ADAMDEC1: variants seen among roughly 807,000 people sequenced by gnomAD.
ADAMDEC1 encodes the protein ADAM DEC1.
ADAMDEC1 carries 62 observed loss-of-function variants against 60.4 expected under a neutral mutation model. That is an observed-to-expected ratio of 1.03 (90% CI 0.84 to 1.27). The LOEUF is 1.27. Among genes scored for constraint, ADAMDEC1 ranks in the 50% most tolerant of loss-of-function variants. The pLI is 0.00. For synonymous variants in ADAMDEC1, 210 were observed against 195.1 expected (o/e 1.08, Z -0.64); for missense variants, 595 against 565.0 (o/e 1.05, Z -0.54).
At chr8:24,402,779 C>T (rs1357534905) in intron 12 of ADAMDEC1, among the ~76,000 whole-genome samples, 1 of 152,086 alleles carries the variant, frequency 6.6e-6, no homozygotes, top group Non-Finnish European at 1.5e-5. Flanking sequence ...ACTCTCTATG[C>T]TTCAGTTTAT....
At chr8:24,387,939 C>T (rs760154924) in intron 1 of ADAMDEC1, 1 of 152,628 alleles carries the variant, frequency 6.6e-6, no homozygotes, top group African/African-American at 2.4e-5. Context: ...AAGAGCAGCC[C>T]GGAGAAGCTG....
chr8:24,403,211 G>C (rs1817808041), intron 12 of ADAMDEC1, among the ~76,000 whole-genome samples: 1 of 151,980 alleles, frequency 6.6e-6, no homozygotes, highest in South Asian at 2.1e-4. Flanking sequence ...TAAAACCAGA[G>C]AGTTCAGGCT....
At position 24,384,516 on chromosome 8, in the gene ADAMDEC1, G is replaced by C. The variant is rs763836780; in HGVS notation, c.12G>C (p.Gly4=). Residue 4 remains glycine, a synonymous_variant, in exon 1 of 14, where the codon GGG becomes GGC. Coordinates refer to ENST00000256412, the MANE Select transcript of ADAMDEC1 (RefSeq NM_014479.3). ...GAGACCACAACTTCATGCTGCGTGG[G>C]ATCTCCCAGCTACCTGCAGTGGCCA... MLR[G]ISQLPAVATM... 1 of 1,608,260 alleles carries C rather than the reference G, an allele frequency of 6.2e-7. No homozygotes were observed. Among genetic ancestry groups the C allele is most frequent in the Non-Finnish European group, 8.5e-7 (1 of 1,177,098 alleles).
rs1254248640 is a variant in ADAMDEC1, at chr8:24,401,913, A to T, written c.1143-2A>T. 1.2e-6 allele frequency: 2 copies of T among 1,605,326 alleles called. No individual in the cohort carries two copies. Among genetic ancestry groups the T allele is most frequent in the Admixed American group, 1.7e-5 (1 of 58,320 alleles). ...ATTATTTGAGTTTTCTTCTGATTAC[A>T]GTTCAAAATTCCCAAAGGATTTCAG... On this transcript the variant is annotated splice_acceptor_variant, in intron 11 of 13. Coordinates refer to ENST00000256412, the MANE Select transcript of ADAMDEC1 (RefSeq NM_014479.3). LOFTEE classifies it high-confidence loss of function.
chr8:24,390,565 C>T (rs1817416722), intron 1 of ADAMDEC1, among the ~76,000 whole-genome samples: 1 of 152,002 alleles, frequency 6.6e-6, no homozygotes, highest in Admixed American at 6.6e-5. Flanking sequence ...ACTAAAAATA[C>T]AAAAATTAGC....
intron 4 of ADAMDEC1, 103 bp downstream of exon 4, chr8:24,394,250 T>C (rs1817548566): frequency 4.5e-6 from 4 of 894,334 alleles, no homozygotes; most frequent in Non-Finnish European, 6.8e-6. Flanking sequence ...TTTATAAAAT[T>C]CATAGGTCCA....
intron 1 of ADAMDEC1, among the ~76,000 whole-genome samples, chr8:24,386,950 G>T (rs1348353407): frequency 3.3e-5 from 5 of 152,118 alleles, no homozygotes; most frequent in African/African-American, 9.7e-5. Context: ...TTGGCTTGTT[G>T]TTCCCACAAC....
chr8:24,404,906 T>G (rs1312123142), intron 13 of ADAMDEC1, among the ~76,000 whole-genome samples: 1 of 152,152 alleles, frequency 6.6e-6, no homozygotes, highest in African/African-American at 2.4e-5. Context: ...GAATCCACTC[T>G]GCAGGGAATT....
intron 11 of ADAMDEC1, 120 bp from the exon 12 acceptor site, chr8:24,401,795 T>C: frequency 4.4e-6 from 4 of 911,816 alleles, no homozygotes; most frequent in Non-Finnish European, 6.4e-6. Flanking sequence ...GGAATTTCCA[T>C]TGAGCTCGGT....
At chr8:24,390,763 A>T (rs1318422330) in intron 1 of ADAMDEC1, among the ~76,000 whole-genome samples, 1 of 151,932 alleles carries the variant, frequency 6.6e-6, no homozygotes, top group African/African-American at 2.4e-5. Flanking sequence ...AATAACAAAA[A>T]CAACACTGTT....
intron 3 of ADAMDEC1, 148 bp from the exon 4 acceptor site, chr8:24,393,921 C>A: frequency 2.2e-6 from 1 of 464,148 alleles, no homozygotes; most frequent in Non-Finnish European, 3.8e-6. Context: ...GCTTCAGCAA[C>A]AGAGCTCCAA....
At chr8:24,388,844 A>G (rs992933844) in intron 1 of ADAMDEC1, among the ~76,000 whole-genome samples, 36 of 152,198 alleles carry the variant, frequency 2.4e-4, no homozygotes, top group Admixed American at 2.4e-3. Flanking sequence ...GAAAGAGGCT[A>G]AAAGATCCAG....
At chr8:24,385,248 C>T (rs574378043) in intron 1 of ADAMDEC1, among the ~76,000 whole-genome samples, 133 of 152,228 alleles carry the variant, frequency 8.7e-4, no homozygotes, top group African/African-American at 3.1e-3. Context: ...CACATTTGTG[C>T]TAAACCCTAT....
At position 24,392,400 on chromosome 8, in the gene ADAMDEC1, G is replaced by A. The variant is rs760666795; in HGVS notation, c.207+20G>A. 7 of 1,529,640 alleles carry A rather than the reference G, an allele frequency of 4.6e-6. No individual in the cohort carries two copies. The South Asian group carries it at 5.8e-5, about 13-fold the overall frequency. The allele number at this position is 1,529,640 out of a possible 1,614,324, so 94.8% of individuals were successfully genotyped here. A position where few individuals can be genotyped will look rare whatever the true frequency, so the allele number is the denominator to read the frequency against. ...AAAGAGGTAAGCAAGGTGAATGACCGTGGTAGATGTTACAATCATCCAAAG... is the reference window on the plus strand; with the variant it reads ...AAAGAGGTAAGCAAGGTGAATGACCATGGTAGATGTTACAATCATCCAAAG... On this transcript the variant is annotated intron_variant, in intron 2 of 13. Coordinates refer to ENST00000256412, the MANE Select transcript of ADAMDEC1 (RefSeq NM_014479.3).
intron 13 of ADAMDEC1, among the ~76,000 whole-genome samples, chr8:24,404,473 G>A (rs1435231313): frequency 2.0e-5 from 3 of 152,170 alleles, no homozygotes; most frequent in African/African-American, 7.2e-5. Flanking sequence ...TTGCAAGGCT[G>A]TCAGAAAATC....
chr8:24,405,181 G>T (rs761845699), intron 13 of ADAMDEC1, 111 bp from the exon 14 acceptor site: 1 of 1,120,306 alleles, frequency 8.9e-7, no homozygotes, highest in Non-Finnish European at 1.3e-6. Context: ...TAAATAATAT[G>T]AATTGTTATT....
At position 24,405,375 on chromosome 8, in the gene ADAMDEC1, T is replaced by C. The variant is rs906635610; in HGVS notation, c.*77T>C. The stretch of plus-strand genomic sequence containing the variant: ...AACTCTAACTGTCCCAGGAATCTTG[T>C]GAATTTTCACCCATAATGGTCTTTC... On this transcript the variant is annotated 3_prime_UTR_variant, in exon 14 of 14. Coordinates refer to ENST00000256412, the MANE Select transcript of ADAMDEC1 (RefSeq NM_014479.3). 5.2e-6 allele frequency: 8 copies of C among 1,536,552 alleles called. No homozygotes were observed. Among genetic ancestry groups the C allele is most frequent in the Non-Finnish European group, 7.2e-6 (8 of 1,116,934 alleles).
chr8:24,399,262 G>T, intron 9 of ADAMDEC1, 131 bp from the exon 10 acceptor site: 1 of 1,077,506 alleles, frequency 9.3e-7, no homozygotes, highest in Non-Finnish European at 1.4e-6. Flanking sequence ...CTAAGGAATA[G>T]TAGAAGTTTT....
In ADAMDEC1 at chr8:24,392,385, G is replaced by A. The variant is rs769061150; in HGVS notation, c.207+5G>A. 2 of 1,589,352 alleles carry A rather than the reference G, an allele frequency of 1.3e-6. No individual in the cohort carries two copies. Among genetic ancestry groups the A allele is most frequent in the Admixed American group, 1.7e-5 (1 of 58,502 alleles). Reference sequence around the variant, plus strand: ...ACAGAAAAGCATGGCAAAGAGGTAAGCAAGGTGAATGACCGTGGTAGATGT... The same window carrying A: ...ACAGAAAAGCATGGCAAAGAGGTAAACAAGGTGAATGACCGTGGTAGATGT... On this transcript the variant is annotated splice_donor_5th_base_variant and intron_variant, in intron 2 of 13. Coordinates refer to ENST00000256412, the MANE Select transcript of ADAMDEC1 (RefSeq NM_014479.3).
Sources: allele counts gnomAD v4.1 joint callset (sites outside exome capture counted in the v4.1 genomes callset), GRCh38; gene constraint gnomAD v4.1.1; transcripts MANE v1.5; gene names NCBI Gene and HGNC (gene_info 2026-07-23, HGNC 2026-07-21).